Variants in SPAG16 observed in about 807,000 individuals in gnomAD.
SPAG16 encodes sperm associated antigen 16, also known as sperm-associated antigen 16 protein.
Under a neutral mutation model 80.4 loss-of-function variants are expected in SPAG16, and 86 were observed. The ratio of observed to expected loss-of-function variants is 1.07; its 90% CI spans 0.90 to 1.28. SPAG16 has a LOEUF of 1.28. Ranked by LOEUF, SPAG16 falls within the 50% of genes most tolerant of loss-of-function variation. The pLI is 0.00. For synonymous variants in SPAG16, 294 were observed against 265.9 expected, an observed-to-expected ratio of 1.11 and a Z score of -1.03; for missense variants, 870 against 765.3, an observed-to-expected ratio of 1.14 and a Z score of -1.61.
At chr2:213,507,926 T>G (rs1226130325) in intron 10 of SPAG16, among the ~76,000 whole-genome samples, 1 of 152,214 alleles carries the variant, frequency 6.6e-6, no homozygotes, top group Non-Finnish European at 1.5e-5. Flanking sequence ...ACAGCAGTTT[T>G]ATGTAGAGAA....
Position 213,893,223 on chromosome 2 carries a change from T to G in SPAG16, c.1214+30595T>G, listed in dbSNP as rs78741641. On this transcript the variant is annotated intron_variant, in intron 11 of 15. Transcript: ENST00000331683. ...AATACTGTATTCAACAAAGCTGTCCTTCAGCTATGAAACAGAAAAATTCTT... is the reference window on the plus strand; with the variant it reads ...AATACTGTATTCAACAAAGCTGTCCGTCAGCTATGAAACAGAAAAATTCTT... 4.6e-3 allele frequency among the ~76,000 whole-genome samples: 700 copies of G among 152,224 alleles called. 5 individuals are homozygous for G. The highest frequency in any genetic ancestry group is 0.016 in the African/African-American group (655 of 41,550).
At chr2:213,424,552 C>T (rs2069790579) in intron 9 of SPAG16, among the ~76,000 whole-genome samples, 1 of 152,052 alleles carries the variant, frequency 6.6e-6, no homozygotes. Context: ...GATATCAGAG[C>T]TTATTTTAAA....
At chr2:214,318,959 A>G (rs1695887261) in intron 15 of SPAG16, among the ~76,000 whole-genome samples, 1 of 152,152 alleles carries the variant, frequency 6.6e-6, no homozygotes, top group African/African-American at 2.4e-5. Context: ...TTTCATAAAA[A>G]TCTTACTTTT....
intron 15 of SPAG16, among the ~76,000 whole-genome samples, chr2:214,282,386 G>A (rs565279121): frequency 1.3e-5 from 2 of 152,008 alleles, no homozygotes; most frequent in Non-Finnish European, 2.9e-5. Context: ...AAACACTAGT[G>A]GATTTTGTTC....
intron 12 of SPAG16, among the ~76,000 whole-genome samples, chr2:213,941,806 T>TTGACTTGCTGTCATCC (rs1668802658): frequency 6.6e-6 from 1 of 152,124 alleles, no homozygotes; most frequent in African/African-American, 2.4e-5. Flanking sequence ...AACATAGCAC[T>TTGACTTGCTGTCATCC]TGACTTGCTG....
chr2:213,665,701 C>A (rs987771996), intron 10 of SPAG16, among the ~76,000 whole-genome samples: 1 of 152,016 alleles, frequency 6.6e-6, no homozygotes, highest in Non-Finnish European at 1.5e-5. Context: ...TTTAAAGATG[C>A]CTTATTTCAT....
chr2:214,324,898 G>C (rs1193603304), intron 15 of SPAG16, among the ~76,000 whole-genome samples: 1 of 152,078 alleles, frequency 6.6e-6, no homozygotes, highest in Non-Finnish European at 1.5e-5. Flanking sequence ...ATGCTCAAAG[G>C]CATGTCATTT....
At chr2:213,569,845 G>A (rs946677491) in intron 10 of SPAG16, among the ~76,000 whole-genome samples, 3 of 135,116 alleles carry the variant, frequency 2.2e-5, no homozygotes, top group Non-Finnish European at 4.5e-5. Context: ...GTAGAATTCG[G>A]CTGTGAATCC....
At chr2:213,852,322 A>G (rs921718209) in intron 10 of SPAG16, among the ~76,000 whole-genome samples, 2 of 152,184 alleles carry the variant, frequency 1.3e-5, no homozygotes, top group Non-Finnish European at 2.9e-5. Flanking sequence ...TTTTCCACAG[A>G]GCAGCTACAG....
intron 1 of SPAG16, among the ~76,000 whole-genome samples, chr2:213,289,550 A>G (rs1461527968): frequency 1.3e-5 from 2 of 152,228 alleles, no homozygotes; most frequent in Non-Finnish European, 2.9e-5. Context: ...TGTGACCACA[A>G]GCATGCCAGC....
intron 10 of SPAG16, among the ~76,000 whole-genome samples, chr2:213,734,631 T>C (rs1399397348): frequency 6.6e-6 from 1 of 152,152 alleles, no homozygotes; most frequent in African/African-American, 2.4e-5. Flanking sequence ...TTTTATCCAG[T>C]TGCAATAAAG....
At chr2:213,413,914 T>TA (rs2125406220) in intron 9 of SPAG16, among the ~76,000 whole-genome samples, 1 of 152,294 alleles carries the variant, frequency 6.6e-6, no homozygotes, top group Admixed American at 6.5e-5. Flanking sequence ...CAAACAAAGT[T>TA]ATGACAGATT....
chr2:213,597,338 A>G (rs991376944), intron 10 of SPAG16, among the ~76,000 whole-genome samples: 1 of 152,188 alleles, frequency 6.6e-6, no homozygotes, highest in African/African-American at 2.4e-5. Flanking sequence ...GTCTTCCTAC[A>G]GCATTGTAGA....
intron 10 of SPAG16, among the ~76,000 whole-genome samples, chr2:213,538,697 T>A (rs931451190): frequency 4.6e-5 from 7 of 152,180 alleles, no homozygotes; most frequent in Admixed American, 2.6e-4. Flanking sequence ...TTAACATTGA[T>A]TTAGTTGAAT....
intron 10 of SPAG16, among the ~76,000 whole-genome samples, chr2:213,742,663 A>C (rs989042952): frequency 4.8e-5 from 7 of 144,378 alleles, no homozygotes; most frequent in Non-Finnish European, 9.0e-5. Context: ...GCAATTCTCC[A>C]GTCTCAGCTT....
At chr2:214,192,781 GC>G (rs2057703450) in intron 15 of SPAG16, among the ~76,000 whole-genome samples, 1 of 152,016 alleles carries the variant, frequency 6.6e-6, no homozygotes, top group Non-Finnish European at 1.5e-5. Context: ...ACAAAATTGT[GC>G]CCATATATGA....
chr2:213,834,316 A>C (rs138487246), intron 10 of SPAG16, among the ~76,000 whole-genome samples: 15 of 152,306 alleles, frequency 9.8e-5, no homozygotes, highest in Middle Eastern at 6.8e-3. Context: ...TCTACATGAC[A>C]TGGGAGCCTT....
chr2:213,330,340 G>T (rs922248050), intron 5 of SPAG16, among the ~76,000 whole-genome samples: 3 of 151,690 alleles, frequency 2.0e-5, no homozygotes, highest in Admixed American at 6.6e-5. Context: ...AGCCACAGGG[G>T]TGGAGCTTCC....
chr2:213,336,358 C>T (rs2124919250), intron 5 of SPAG16, among the ~76,000 whole-genome samples: 1 of 151,138 alleles, frequency 6.6e-6, no homozygotes, highest in Middle Eastern at 3.4e-3. Context: ...CTGTCCACTC[C>T]TGTGGGAAGG....
Sources: allele counts gnomAD v4.1 joint callset (sites outside exome capture counted in the v4.1 genomes callset), GRCh38; gene constraint gnomAD v4.1.1; transcripts MANE v1.5; gene names NCBI Gene and HGNC (gene_info 2026-07-23, HGNC 2026-07-21).